RPSA2: variants seen among roughly 807,000 people sequenced by gnomAD.
RPSA2 encodes ribosomal protein SA 2.
the RPSA2 span, among the ~76,000 whole-genome samples, chr19:23,824,314 C>T: frequency 1.3e-5 from 2 of 152,110 alleles, no homozygotes; most frequent in East Asian, 1.9e-4. Flanking sequence ...AGCTGGTATA[C>T]GTCTTACTCA....
At chr19:23,851,008 A>G in the RPSA2 span, among the ~76,000 whole-genome samples, 11 of 152,342 alleles carry the variant, frequency 7.2e-5, no homozygotes, top group African/African-American at 2.4e-4. Flanking sequence ...AAAGCCTTAC[A>G]TATCCAGGGG....
the RPSA2 span, among the ~76,000 whole-genome samples, chr19:23,862,177 T>G: frequency 1.3e-5 from 2 of 152,196 alleles, no homozygotes; most frequent in Non-Finnish European, 2.9e-5. Flanking sequence ...GGCTCTCTGT[T>G]TGTCTGTTAT....
the RPSA2 span, among the ~76,000 whole-genome samples, chr19:23,808,549 G>A: frequency 2.0e-5 from 3 of 151,916 alleles, no homozygotes; most frequent in Admixed American, 1.3e-4. Context: ...GAGCCACTGC[G>A]CCTGACCAAT....
chr19:23,758,667 T>G, the RPSA2 span: 1 of 1,610,834 alleles, frequency 6.2e-7, no homozygotes, highest in Non-Finnish European at 8.5e-7. Flanking sequence ...GGGCGCAAAT[T>G]GTGGAGCTGA....
At chr19:23,814,475 C>T in the RPSA2 span, among the ~76,000 whole-genome samples, 1 of 152,120 alleles carries the variant, frequency 6.6e-6, no homozygotes, top group Admixed American at 6.6e-5. Flanking sequence ...GTCAGTACCA[C>T]ATTGTGTTTG....
the RPSA2 span, among the ~76,000 whole-genome samples, chr19:23,787,968 T>C: frequency 2.6e-5 from 4 of 152,364 alleles, no homozygotes; most frequent in Non-Finnish European, 5.9e-5. Context: ...GCAATATATC[T>C]TTGGGCCTGG....
At chr19:23,856,639 C>T in the RPSA2 span, among the ~76,000 whole-genome samples, 1 of 152,076 alleles carries the variant, frequency 6.6e-6, no homozygotes, top group Non-Finnish European at 1.5e-5. Context: ...GGAACTTGCC[C>T]CCAGTATTTC....
chr19:23,855,932 G>T, the RPSA2 span, among the ~76,000 whole-genome samples: 5 of 152,100 alleles, frequency 3.3e-5, no homozygotes, highest in Admixed American at 6.6e-5. Context: ...GCATAGATAT[G>T]GTCCTGGGCT....
chr19:23,867,558 C>T, the RPSA2 span, among the ~76,000 whole-genome samples: 3 of 152,040 alleles, frequency 2.0e-5, no homozygotes, highest in African/African-American at 4.8e-5. Context: ...GGGCCGGGTG[C>T]GGTGGCTCAC....
the RPSA2 span, chr19:23,827,598 C>T: frequency 1.2e-4 from 194 of 1,587,712 alleles, no homozygotes; most frequent in Non-Finnish European, 1.5e-4. Flanking sequence ...CCTACCATTG[C>T]GCTGTGTAAC....
chr19:23,862,901 T>TC, the RPSA2 span, among the ~76,000 whole-genome samples: 3 of 151,770 alleles, frequency 2.0e-5, no homozygotes, highest in East Asian at 3.9e-4. Flanking sequence ...TCTTTCTTTT[T>TC]TTTTTTTTTG....
At chr19:23,865,880 A>G in the RPSA2 span, among the ~76,000 whole-genome samples, 1 of 152,232 alleles carries the variant, frequency 6.6e-6, no homozygotes. Context: ...TGCAAAGCCC[A>G]TTCACTATAG....
the RPSA2 span, among the ~76,000 whole-genome samples, chr19:23,865,261 A>G: frequency 6.6e-6 from 1 of 152,368 alleles, no homozygotes; most frequent in South Asian, 2.1e-4. Flanking sequence ...GAAGAAAAAC[A>G]TTATGTGCAG....
the RPSA2 span, among the ~76,000 whole-genome samples, chr19:23,830,063 T>TTA: frequency 2.0e-5 from 3 of 151,950 alleles, no homozygotes; most frequent in Admixed American, 6.6e-5. Context: ...TTTTTTTTTT[T>TTA]ATTTGGCAGG....
chr19:23,795,976 G>T, the RPSA2 span, among the ~76,000 whole-genome samples: 2 of 152,126 alleles, frequency 1.3e-5, no homozygotes, highest in Non-Finnish European at 2.9e-5. Flanking sequence ...TGTCAGCCAG[G>T]TTGATCTCAA....
chr19:23,808,685 GC>G, the RPSA2 span: 1 of 579,830 alleles, frequency 1.7e-6, no homozygotes. Context: ...GAGAATATGA[GC>G]AAGATTCATG....
At chr19:23,832,545 A>C in the RPSA2 span, 3 of 810,774 alleles carry the variant, frequency 3.7e-6, no homozygotes, top group Non-Finnish European at 3.6e-6. Flanking sequence ...ACTGAAAAGA[A>C]ACCCTACAAA....
the RPSA2 span, among the ~76,000 whole-genome samples, chr19:23,847,767 A>C: frequency 6.6e-6 from 1 of 152,164 alleles, no homozygotes; most frequent in Non-Finnish European, 1.5e-5. Context: ...CTTATCTCAA[A>C]CACATAGGAC....
chr19:23,768,983 ACT>A, the RPSA2 span, among the ~76,000 whole-genome samples: 1 of 152,078 alleles, frequency 6.6e-6, no homozygotes, highest in Non-Finnish European at 1.5e-5. Context: ...AGGTGATGTA[ACT>A]CTCCTCTTCA....
Sources: gnomAD v4.1 joint callset for allele counts (sites outside exome capture counted in the v4.1 genomes callset) on GRCh38, gnomAD v4.1.1 for gene constraint, MANE v1.5 for transcripts, NCBI Gene and HGNC (gene_info 2026-07-23, HGNC 2026-07-21) for gene names.